The following KIF1C variants were observed in gnomAD, a reference collection of about 807,000 sequenced individuals.
KIF1C encodes kinesin family member 1C, also known as kinesin-like protein KIF1C.
KIF1C carries 61 observed loss-of-function variants against 126.5 expected under a neutral mutation model. The ratio of observed to expected loss-of-function variants is 0.48; its 90% CI spans 0.39 to 0.60. The LOEUF is 0.60. Among genes scored for constraint, KIF1C ranks in the 20% least tolerant of loss-of-function variants. KIF1C has a pLI of 0.00. For missense variants in KIF1C, 1,315 were observed against 1,489.2 expected, an observed-to-expected ratio of 0.88 and a Z score of 1.93; for synonymous variants, 640 against 580.6, an observed-to-expected ratio of 1.10 and a Z score of -1.47.
chr17:5,022,569 G>A lies in KIF1C; in HGVS notation c.2488G>A (p.Val830Met). 6.3e-7 allele frequency: 1 copy of A among 1,597,844 alleles called. No homozygotes were observed. Among genetic ancestry groups the A allele is most frequent in the Non-Finnish European group, 8.5e-7 (1 of 1,172,074 alleles). The change falls in exon 22 of 23, where the codon GTG becomes ATG. Residue 830 changes from valine to methionine, a missense_variant. Physicochemically the swap from Val to Met is conservative, Grantham distance 21. This residue lies in a region of KIF1C where 441 missense variants were observed against 436.1 expected (regional missense o/e 1.01). Transcript: ENST00000320785. This position sits in a 1 kb window ranked among gnomAD's most constrained non-coding sequence, Gnocchi z 4.9. The stretch of plus-strand genomic sequence containing the variant: ...TGAGGAGGGAGCCCGAGGGGCGGAG[G>A]TGGAGGACCTCCGGGCCCACATCGA... ...GSEEGARGAE[V>M]EDLRAHIDKL...
intron 18 of KIF1C, among the ~76,000 whole-genome samples, chr17:5,018,461 G>A (rs903302183): frequency 4.0e-5 from 6 of 151,884 alleles, no homozygotes; most frequent in East Asian, 1.9e-4. Context: ...GAGGTCAGGC[G>A]GGTGGATCAC....
At chr17:5,007,810 G>A (rs1343134234) in intron 16 of KIF1C, among the ~76,000 whole-genome samples, 1 of 152,150 alleles carries the variant, frequency 6.6e-6, no homozygotes, top group Non-Finnish European at 1.5e-5. Context: ...GCATGCTTTT[G>A]TATCATTTGA....
rs200928947 is a variant in KIF1C, at chr17:5,020,768, C to T, written c.1938-38C>T. 6.3e-7 allele frequency: 1 copy of T among 1,599,216 alleles called. No homozygotes were observed. Among genetic ancestry groups the T allele is most frequent in the Non-Finnish European group, 8.5e-7 (1 of 1,172,350 alleles). ...GTGTCCTCCTCTTGTCAGATACTCACCAAGGTTGCTCTTCCTTCCCTCCCT... is the reference window on the plus strand; with the variant it reads ...GTGTCCTCCTCTTGTCAGATACTCATCAAGGTTGCTCTTCCTTCCCTCCCT... On this transcript the variant is annotated intron_variant, in intron 20 of 22. Coordinates refer to ENST00000320785, the MANE Select transcript of KIF1C (RefSeq NM_006612.6). This position sits in a 1 kb window ranked among gnomAD's most constrained non-coding sequence, Gnocchi z 5.8.
intron 18 of KIF1C, chr17:5,019,729 A>G: frequency 2.0e-6 from 1 of 493,620 alleles, no homozygotes; most frequent in Non-Finnish European, 3.8e-6. Context: ...TGGTTTTCTA[A>G]GCTGCTGCTG....
Position 5,023,899 on chromosome 17 carries a change from TC to T in KIF1C, c.3062del (p.Pro1021ArgfsTer67). 1.3e-6 allele frequency: 2 copies of T among 1,551,210 alleles called. No homozygotes were observed. Among genetic ancestry groups the T allele is most frequent in the Non-Finnish European group, 1.7e-6 (2 of 1,148,442 alleles). On this transcript the variant is annotated frameshift_variant, in exon 23 of 23. Transcript: ENST00000320785. LOFTEE classifies it high-confidence loss of function. The surrounding 1 kb of genome is among the most constrained non-coding windows in gnomAD (Gnocchi z 4.2). Reference protein sequence around the residue: ...PHPATPARRPPSPRRSHHPRR... With the variant: ...PHPATPARRPXSPRRSHHPRR... ...ATCCAGCCACCCCTGCCCGCCGGCC[TC>T]CGAGTCCCCGAAGGTCCCACCATCC...
rs531064098 is a variant in KIF1C at position 5,023,406 on chromosome 17, A to G, written c.2629-62A>G. The G allele has an allele frequency of 3.6e-6, 5 of 1,385,874 alleles. No individual in the cohort carries two copies. In the East Asian group the frequency reaches 1.2e-4, roughly 33 times the overall value. The allele number at this position is 1,385,874 out of a possible 1,614,324, so 85.8% of individuals were successfully genotyped here. ...GCCACTCCAGGTCCCTCTTGAATCCACATGTCCTGAGGATTCAGCTCTCCT... is the reference window on the plus strand; with the variant it reads ...GCCACTCCAGGTCCCTCTTGAATCCGCATGTCCTGAGGATTCAGCTCTCCT... On this transcript the variant is annotated intron_variant, in intron 22 of 22. Transcript: ENST00000320785. The surrounding 1 kb of genome is among the most constrained non-coding windows in gnomAD (Gnocchi z 4.2).
intron 21 of KIF1C, among the ~76,000 whole-genome samples, chr17:5,021,806 T>C (rs1482201367): frequency 6.6e-6 from 1 of 151,968 alleles, no homozygotes; most frequent in African/African-American, 2.4e-5. Context: ...TGCACAAAGT[T>C]CCACACTCGA....
chr17:5,009,966 G>A (rs771418371), intron 16 of KIF1C, among the ~76,000 whole-genome samples: 6 of 151,808 alleles, frequency 4.0e-5, no homozygotes, highest in Non-Finnish European at 7.4e-5. Flanking sequence ...ACACTCTGTC[G>A]CCCAGGCTGG....
chr17:5,023,534 G>A lies in KIF1C; in HGVS notation c.2695G>A (p.Ala899Thr). 1 of 1,613,806 alleles carries A rather than the reference G, an allele frequency of 6.2e-7. No homozygotes were observed. Among genetic ancestry groups the A allele is most frequent in the Non-Finnish European group, 8.5e-7 (1 of 1,179,934 alleles). Residue 899 changes from alanine (A) to threonine (T), a missense_variant, in exon 23 of 23, where the codon GCA becomes ACA. Coordinates refer to ENST00000320785, the MANE Select transcript of KIF1C (RefSeq NM_006612.6). This position sits in a 1 kb window ranked among gnomAD's most constrained non-coding sequence, Gnocchi z 4.2. Reference sequence around the variant, plus strand: ...GGCCCCGCCTGAAGGATCAGAGGCAGCAGAGGAGGCAGCCCCCAGTGACCG... The same window carrying A: ...GGCCCCGCCTGAAGGATCAGAGGCAACAGAGGAGGCAGCCCCCAGTGACCG... ...PWAPPEGSEA[A>T]EEAAPSDRMP...
At chr17:5,013,585 G>A (rs947179493) in intron 16 of KIF1C, 68 bp from the exon 17 acceptor site, 19 of 1,153,766 alleles carry the variant, frequency 1.6e-5, no homozygotes, top group Middle Eastern at 1.9e-4. Flanking sequence ...TCCTCCCACC[G>A]CTCCCTTTCT....
chr17:5,020,787 C>A lies in KIF1C; in HGVS notation c.1938-19C>A. ...TACTCACCAAGGTTGCTCTTCCTTC[C>A]CTCCCTGTCCAATCCCAGGCTGCAG... On this transcript the variant is annotated intron_variant, in intron 20 of 22. Coordinates refer to ENST00000320785, the MANE Select transcript of KIF1C (RefSeq NM_006612.6). This position sits in a 1 kb window ranked among gnomAD's most constrained non-coding sequence, Gnocchi z 5.8. 1 of 1,596,518 alleles carries A rather than the reference C, an allele frequency of 6.3e-7. No homozygotes were observed.
At chr17:5,006,052 C>G (rs939572486) in intron 13 of KIF1C, among the ~76,000 whole-genome samples, 3 of 149,098 alleles carry the variant, frequency 2.0e-5, no homozygotes, top group African/African-American at 2.5e-5. Context: ...ACTAAAAATA[C>G]AAAAATTAGC....
rs753683304 is a variant in KIF1C, at chr17:5,020,201, A to C, written c.1750+122A>C. 2.4e-5 allele frequency: 19 copies of C among 798,122 alleles called. No individual in the cohort carries two copies. The highest frequency in any genetic ancestry group is 3.4e-5 in the Non-Finnish European group (16 of 467,436). 49.4% of individuals were successfully genotyped at this position (798,122 alleles called of 1,614,324 possible). A position where few individuals can be genotyped will look rare whatever the true frequency, so the allele number is the denominator to read the frequency against. On this transcript the variant is annotated intron_variant, in intron 19 of 22. Transcript: ENST00000320785. The surrounding 1 kb of genome is among the most constrained non-coding windows in gnomAD (Gnocchi z 5.8). ...GAAATACATCAGAAATAGCACGGGGATATAAAGAAGGAACTGGGAAGTGAA... is the reference window on the plus strand; with the variant it reads ...GAAATACATCAGAAATAGCACGGGGCTATAAAGAAGGAACTGGGAAGTGAA...
chr17:5,001,988 G>C, intron 5 of KIF1C, 71 bp from the exon 6 acceptor site: 1 of 1,400,708 alleles, frequency 7.1e-7, no homozygotes, highest in Non-Finnish European at 1.0e-6. Flanking sequence ...GACTGGGCCT[G>C]GCCTGTGGCT....
At position 5,007,173 on chromosome 17, in the gene KIF1C, T is replaced by A; in HGVS notation, c.1335+89T>A. The stretch of plus-strand genomic sequence containing the variant: ...GTCAAGCTTGAGAAAGAAGGAATTC[T>A]AGGAGTAGCATGGCCCCAGGGTAGG... On this transcript the variant is annotated intron_variant, in intron 14 of 22. Transcript: ENST00000320785. 2.6e-6 allele frequency: 4 copies of A among 1,566,172 alleles called. No individual in the cohort carries two copies. In the South Asian group the frequency reaches 4.6e-5, roughly 18 times the overall value.
Position 5,025,829 on chromosome 17 carries a change from TAAA to T in KIF1C, c.*1682_*1684del, listed in dbSNP as rs907157542. The stretch of plus-strand genomic sequence containing the variant: ...AGCGAGACTCCATTTCAAGAAAAAT[TAAA>T]AAACTGTTTGTTGCCTGCTTGTTTT... On this transcript the variant is annotated 3_prime_UTR_variant, in exon 23 of 23. Transcript: ENST00000320785. The T allele has an allele frequency of 7.2e-5, 11 of 152,070 alleles. No individual in the cohort carries two copies. The highest frequency in any genetic ancestry group is 2.7e-4 in the African/African-American group (11 of 41,434). 9.4% of individuals were successfully genotyped at this position (152,070 alleles called of 1,614,324 possible). A position where few individuals can be genotyped will look rare whatever the true frequency, so the allele number is the denominator to read the frequency against.
chr17:5,023,177 G>C lies in KIF1C; in HGVS notation c.2629-291G>C, dbSNP rs1248088985. 1.3e-5 allele frequency among the ~76,000 whole-genome samples: 2 copies of C among 151,934 alleles called. No individual in the cohort carries two copies. The highest frequency in any genetic ancestry group is 2.9e-5 in the Non-Finnish European group (2 of 67,984). ...CTACAGGCGCGCACCACCACACCCGGCTAATTTTTTTTTTTTGTATTTTAG... is the reference window on the plus strand; with the variant it reads ...CTACAGGCGCGCACCACCACACCCGCCTAATTTTTTTTTTTTGTATTTTAG... On this transcript the variant is annotated intron_variant, in intron 22 of 22. Transcript: ENST00000320785. This position sits in a 1 kb window ranked among gnomAD's most constrained non-coding sequence, Gnocchi z 4.2.
At chr17:5,001,106 G>T (rs1234045368) in intron 4 of KIF1C, 116 bp from the exon 5 acceptor site, 5 of 1,125,580 alleles carry the variant, frequency 4.4e-6, no homozygotes, top group Non-Finnish European at 6.6e-6. Flanking sequence ...GGGTGGGAGG[G>T]CACACAGGAC....
chr17:5,021,030 C>T (rs1975078899), intron 21 of KIF1C, 152 bp downstream of exon 21: 1 of 649,730 alleles, frequency 1.5e-6, no homozygotes, highest in Non-Finnish European at 2.7e-6. Context: ...AGAGATGTGA[C>T]TACAGGAAGA....
Sources: allele counts gnomAD v4.1 joint callset (sites outside exome capture counted in the v4.1 genomes callset), GRCh38; gene constraint gnomAD v4.1.1; regional missense constraint gnomAD v4.1.1; non-coding constraint Gnocchi (gnomAD v3.1); transcripts MANE v1.5; gene names NCBI Gene and HGNC (gene_info 2026-07-23, HGNC 2026-07-21).